The following ESPNL variants were observed in gnomAD, a reference collection of about 807,000 sequenced individuals.
The protein encoded by ESPNL is espin like.
A neutral mutation model predicts 46.8 loss-of-function variants in ESPNL; 49 were observed. The ratio of observed to expected loss-of-function variants is 1.05; its 90% CI spans 0.83 to 1.33. The LOEUF is 1.33. Ranked by LOEUF, ESPNL falls within the 40% of genes most tolerant of loss-of-function variation. The pLI, the probability that ESPNL is intolerant of heterozygous loss-of-function variation, is 0.00. For missense variants in ESPNL, 1,540 were observed against 1,436.6 expected (o/e 1.07, Z -1.16); for synonymous variants, 664 against 662.1 (o/e 1.00, Z -0.04).
chr2:238,101,075 C>T (rs921977174), intron 1 of ESPNL, among the ~76,000 whole-genome samples: 1 of 152,204 alleles, frequency 6.6e-6, no homozygotes, highest in African/African-American at 2.4e-5. Flanking sequence ...GGAACTTGGG[C>T]TTGAGAGCTG....
In ESPNL at chr2:238,107,782, C is replaced by T. The variant is rs1176719977; in HGVS notation, c.673-9C>T. 1.3e-6 allele frequency: 2 copies of T among 1,571,092 alleles called. No homozygotes were observed. Among genetic ancestry groups the T allele is most frequent in the Admixed American group, 1.8e-5 (1 of 54,920 alleles). On this transcript the variant is annotated splice_polypyrimidine_tract_variant and intron_variant, in intron 3 of 8. Coordinates refer to ENST00000343063, the MANE Select transcript of ESPNL (RefSeq NM_194312.4). ...AGGATGGCTGCTCCCTCTGCCCCTC[C>T]TTCCCCAGGTCACATTCACCGACAT... is the stretch of plus-strand genomic sequence containing the variant.
In ESPNL at chr2:238,107,807, TCG is replaced by T. The variant is rs762062729; in HGVS notation, c.690_691del (p.Ile230MetfsTer8). The T allele has an allele frequency of 1.3e-6, 2 of 1,597,158 alleles. No individual in the cohort carries two copies. Among genetic ancestry groups the T allele is most frequent in the Non-Finnish European group, 1.7e-6 (2 of 1,172,096 alleles). On this transcript the variant is annotated frameshift_variant, in exon 4 of 9. Coordinates refer to ENST00000343063, the MANE Select transcript of ESPNL (RefSeq NM_194312.4). LOFTEE classifies it high-confidence loss of function. ...CTTCCCCAGGTCACATTCACCGACA[TCG>T]GACTCACGGCACGGGACAATGAGGG...
chr2:238,131,433 G>T lies in ESPNL; in HGVS notation c.2719G>T (p.Glu907Ter). The T allele has an allele frequency of 6.2e-7, 1 of 1,609,122 alleles. No individual in the cohort carries two copies. Among genetic ancestry groups the T allele is most frequent in the Non-Finnish European group, 8.5e-7 (1 of 1,178,138 alleles). ...VRAFHKAVTDEVAAGRRAWTD... is the reference protein window; with the variant it reads ...VRAFHKAVTD ...CGCCTTCCACAAGGCCGTGACCGACGAGGTGGCCGCCGGCCGCCGGGCCTG... is the reference window on the plus strand; with the variant it reads ...CGCCTTCCACAAGGCCGTGACCGACTAGGTGGCCGCCGGCCGCCGGGCCTG... The change falls in exon 9 of 9, where the codon GAG becomes TAG. Residue 907 changes from glutamate (E) to a stop codon, truncating the protein, a stop_gained. Transcript: ENST00000343063. LOFTEE classifies it low-confidence loss of function (END_TRUNC).
intron 5 of ESPNL, among the ~76,000 whole-genome samples, chr2:238,123,085 T>A (rs1162220478): frequency 6.6e-6 from 1 of 152,174 alleles, no homozygotes; most frequent in East Asian, 1.9e-4. Flanking sequence ...TGGGTCCCGA[T>A]GGCAGCTGTG....
At chr2:238,118,582 G>GA (rs1691882640) in intron 5 of ESPNL, among the ~76,000 whole-genome samples, 3 of 125,288 alleles carry the variant, frequency 2.4e-5, no homozygotes, top group Non-Finnish European at 3.3e-5. Context: ...TGGAGGAGGT[G>GA]GATGGAGAAG....
At chr2:238,126,678 G>A (rs1318950644) in intron 6 of ESPNL, among the ~76,000 whole-genome samples, 1 of 151,272 alleles carries the variant, frequency 6.6e-6, no homozygotes, top group Non-Finnish European at 1.5e-5. Flanking sequence ...CTGTGTGATT[G>A]TGTGTATGTG....
In ESPNL at chr2:238,108,848, TCA is replaced by T. The variant is rs531000938; in HGVS notation, c.855+881_855+882del. ...AGTCTCAGCAGTGCCATTGAAACAA[TCA>T]CACACGGTGCAGCCGCAGAGCCATC... On this transcript the variant is annotated intron_variant, in intron 4 of 8. Coordinates refer to ENST00000343063, the MANE Select transcript of ESPNL (RefSeq NM_194312.4). Among the ~76,000 whole-genome samples, 873 of 152,238 alleles carry T rather than the reference TCA, an allele frequency of 5.7e-3. 2 individuals are homozygous for T. The highest frequency in any genetic ancestry group is 9.4e-3 in the Non-Finnish European group (640 of 68,024).
At chr2:238,119,875 C>T (rs1351994630) in intron 5 of ESPNL, among the ~76,000 whole-genome samples, 1 of 152,024 alleles carries the variant, frequency 6.6e-6, no homozygotes, top group African/African-American at 2.4e-5. Flanking sequence ...AGCCACAGTC[C>T]CCCCCACCCC....
At chr2:238,113,041 C>T (rs569322930) in intron 4 of ESPNL, among the ~76,000 whole-genome samples, 1 of 152,312 alleles carries the variant, frequency 6.6e-6, no homozygotes, top group African/African-American at 2.4e-5. Context: ...TCAAGTGGAT[C>T]GAGAGAATTG....
chr2:238,129,247 T>G, intron 8 of ESPNL: 1 of 1,213,722 alleles, frequency 8.2e-7, no homozygotes, highest in Non-Finnish European at 1.0e-6. Flanking sequence ...GGCAGGTGTG[T>G]GGGGTGCGAT....
At position 238,117,047 on chromosome 2, in the gene ESPNL, G is replaced by A. The variant is rs1691833545; in HGVS notation, c.987+13G>A. 1.2e-6 allele frequency: 2 copies of A among 1,602,650 alleles called. No homozygotes were observed. The highest frequency in any genetic ancestry group is 1.3e-5 in the African/African-American group (1 of 74,918). ...GGTGGCCCAGCCGGTAAGGCTCAGG[G>A]TCCCCAGCTGCCCTGGAGGCATGGG... On this transcript the variant is annotated intron_variant, in intron 5 of 8. Coordinates refer to ENST00000343063, the MANE Select transcript of ESPNL (RefSeq NM_194312.4).
At chr2:238,105,929 T>C (rs1691586796) in intron 3 of ESPNL, among the ~76,000 whole-genome samples, 1 of 152,136 alleles carries the variant, frequency 6.6e-6, no homozygotes, top group Non-Finnish European at 1.5e-5. Flanking sequence ...CCAGGCTGGC[T>C]CTGCCCCCGG....
At chr2:238,113,909 T>C (rs1559261681) in intron 4 of ESPNL, among the ~76,000 whole-genome samples, 1 of 152,334 alleles carries the variant, frequency 6.6e-6, no homozygotes. Flanking sequence ...TTCTGAGTGC[T>C]GGGCTCCCCG....
chr2:238,127,769 G>T, intron 7 of ESPNL, 35 bp downstream of exon 7: 1 of 1,551,278 alleles, frequency 6.4e-7, no homozygotes, highest in Non-Finnish European at 8.8e-7. Context: ...TGTCTCCCGG[G>T]GCCCCTAGCC....
At chr2:238,126,788 T>C (rs1692132453) in intron 6 of ESPNL, among the ~76,000 whole-genome samples, 1 of 151,442 alleles carries the variant, frequency 6.6e-6, no homozygotes, top group South Asian at 2.1e-4. Context: ...TTCTGTGTGA[T>C]TGTGTTTGTG....
chr2:238,111,611 C>T (rs1239848384), intron 4 of ESPNL, among the ~76,000 whole-genome samples: 1 of 152,208 alleles, frequency 6.6e-6, no homozygotes, highest in African/African-American at 2.4e-5. Context: ...TGTAACGCAT[C>T]AGAATTTCCT....
At chr2:238,109,569 C>T (rs1691672490) in intron 4 of ESPNL, among the ~76,000 whole-genome samples, 1 of 152,198 alleles carries the variant, frequency 6.6e-6, no homozygotes, top group Non-Finnish European at 1.5e-5. Flanking sequence ...TGAGCCCAGG[C>T]AGGCCTCAAA....
In ESPNL at chr2:238,128,917, C is replaced by T; in HGVS notation, c.1413+13C>T. 1 of 1,532,766 alleles carries T rather than the reference C, an allele frequency of 6.5e-7. No individual in the cohort carries two copies. The highest frequency in any genetic ancestry group is 1.2e-5 in the South Asian group (1 of 83,682). The allele number at this position is 1,532,766 out of a possible 1,614,324, so 94.9% of individuals were successfully genotyped here. A position where few individuals can be genotyped will look rare whatever the true frequency, so the allele number is the denominator to read the frequency against. ...CGCAGAGGCCCAGGTAGGCCCCCGG[C>T]AGGGGCGGGACCAGTGGGCGGGGCG... On this transcript the variant is annotated intron_variant, in intron 8 of 8. Transcript: ENST00000343063.
intron 4 of ESPNL, among the ~76,000 whole-genome samples, chr2:238,115,373 G>A (rs1691793396): frequency 6.6e-6 from 1 of 152,206 alleles, no homozygotes; most frequent in African/African-American, 2.4e-5. Context: ...CCGGGGCAAG[G>A]GAGGCTGGTG....
Sources: allele counts gnomAD v4.1 joint callset (sites outside exome capture counted in the v4.1 genomes callset), GRCh38; gene constraint gnomAD v4.1.1; transcripts MANE v1.5; gene names NCBI Gene and HGNC (gene_info 2026-07-23, HGNC 2026-07-21).